AKAP6: variants seen among roughly 807,000 people sequenced by gnomAD.
AKAP6 encodes the protein A-kinase anchor protein 6.
In AKAP6, 58 loss-of-function variants were observed where a neutral mutation model predicts 188.5. The observed-to-expected ratio is 0.31, with a 90% CI of 0.25 to 0.38. AKAP6 has a LOEUF of 0.38. Ranked by LOEUF, AKAP6 falls within the 10% of genes least tolerant of loss-of-function variation. The pLI is 1.00. For synonymous variants in AKAP6, 989 were observed against 998.6 expected, an observed-to-expected ratio of 0.99 and a Z score of 0.18; for missense variants, 2,710 against 2,740.0, an observed-to-expected ratio of 0.99 and a Z score of 0.24.
At chr14:32,527,220 C>G (rs552113875) in intron 2 of AKAP6, among the ~76,000 whole-genome samples, 3 of 152,326 alleles carry the variant, frequency 2.0e-5, no homozygotes, top group Non-Finnish European at 1.5e-5. Context: ...TGACTTCTTT[C>G]ACTTAGTAAT....
chr14:32,358,372 A>G (rs1470793096), intron 1 of AKAP6, among the ~76,000 whole-genome samples: 1 of 152,252 alleles, frequency 6.6e-6, no homozygotes, highest in Non-Finnish European at 1.5e-5. Flanking sequence ...GATGCTCAAC[A>G]CACAAAACCA....
intron 5 of AKAP6, among the ~76,000 whole-genome samples, chr14:32,596,275 C>T (rs879672528): frequency 6.6e-6 from 1 of 152,144 alleles, no homozygotes; most frequent in Non-Finnish European, 1.5e-5. Context: ...CTGGGCTATT[C>T]AGAAATATGA....
intron 9 of AKAP6, among the ~76,000 whole-genome samples, chr14:32,728,706 T>C (rs2031016151): frequency 6.6e-6 from 1 of 152,220 alleles, no homozygotes; most frequent in Non-Finnish European, 1.5e-5. Context: ...TGTTCAGCAA[T>C]GTCTGGTCTC....
At chr14:32,728,395 A>T (rs867739507) in intron 9 of AKAP6, among the ~76,000 whole-genome samples, 14 of 139,942 alleles carry the variant, frequency 1.0e-4, no homozygotes, top group Admixed American at 1.4e-4. Context: ...TCTATCTATC[A>T]ATCGTATCTA....
chr14:32,545,415 C>T lies in AKAP6; in HGVS notation c.762C>T (p.Asp254=). ...TSSQVKTKPF[D]SWSYSEMEKE... is the part of the protein sequence containing the mutation. ...GCCAAGTCAAAACCAAACCCTTTGA[C>T]TCTTGGAGCTACAGTGAGATGGAAA... Residue 254 remains aspartate (D), a synonymous_variant, in exon 4 of 14, where the codon GAC becomes GAT. Coordinates refer to ENST00000280979, the MANE Select transcript of AKAP6 (RefSeq NM_004274.5). The T allele has an allele frequency of 6.2e-7, 1 of 1,614,214 alleles. No homozygotes were observed. The highest frequency in any genetic ancestry group is 2.2e-5 in the East Asian group (1 of 44,880).
intron 2 of AKAP6, among the ~76,000 whole-genome samples, chr14:32,526,554 A>G (rs1229663564): frequency 1.3e-5 from 2 of 152,122 alleles, no homozygotes; most frequent in Non-Finnish European, 2.9e-5. Flanking sequence ...TACTTTTTGT[A>G]TCTTTTGTAG....
At chr14:32,367,102 C>G (rs1304791121) in intron 1 of AKAP6, among the ~76,000 whole-genome samples, 1 of 152,200 alleles carries the variant, frequency 6.6e-6, no homozygotes, top group Non-Finnish European at 1.5e-5. Context: ...CTCCTGGGAA[C>G]AGTGGTCTAC....
chr14:32,811,947 A>C (rs2034247684), intron 12 of AKAP6, among the ~76,000 whole-genome samples: 3 of 152,210 alleles, frequency 2.0e-5, no homozygotes, highest in Non-Finnish European at 4.4e-5. Flanking sequence ...TTACATGACT[A>C]TTCACCTTCT....
rs1555365123 is a variant in AKAP6 at position 32,813,390 on chromosome 14, C to CCG, written c.3589-8011_3589-8010insGC. Among the ~76,000 whole-genome samples the CCG allele has an allele frequency of 3.5e-5, 2 of 57,876 alleles. 1 individual carries two copies. Among genetic ancestry groups the CCG allele is most frequent in the Non-Finnish European group, 6.5e-5 (2 of 30,826 alleles). The allele number at this position is 57,876 out of a possible 152,430, so 38.0% of individuals were successfully genotyped here. A position where few individuals can be genotyped will look rare whatever the true frequency, so the allele number is the denominator to read the frequency against. On this transcript the variant is annotated intron_variant, in intron 12 of 13. Coordinates refer to ENST00000280979, the MANE Select transcript of AKAP6 (RefSeq NM_004274.5). ...GTTACAGTTTTCATCTCTAACCCTA[C>CCG]CCCCCCCCCCAACCCCTTTCCCAGA...
chr14:32,837,299 A>T lies in AKAP6; in HGVS notation c.*7494A>T, dbSNP rs1373098993. 1 of 152,214 alleles carries T rather than the reference A, an allele frequency of 6.6e-6. No individual in the cohort carries two copies. The highest frequency in any genetic ancestry group is 2.4e-5 in the African/African-American group (1 of 41,454). 9.4% of individuals were successfully genotyped at this position (152,214 alleles called of 1,614,324 possible). On this transcript the variant is annotated 3_prime_UTR_variant, in exon 14 of 14. Coordinates refer to ENST00000280979, the MANE Select transcript of AKAP6 (RefSeq NM_004274.5). ...ATTATTAAAACATTTCTTTGTCCTT[A>T]CTTAAACCTAACCTGCCATTTTAAA...
chr14:32,532,424 G>T (rs1172612881), intron 2 of AKAP6, among the ~76,000 whole-genome samples: 1 of 152,144 alleles, frequency 6.6e-6, no homozygotes, highest in African/African-American at 2.4e-5. Flanking sequence ...TGGCACCAAT[G>T]ATACCTTAGT....
intron 4 of AKAP6, among the ~76,000 whole-genome samples, chr14:32,555,977 TG>T (rs780329974): frequency 4.4e-4 from 66 of 150,470 alleles, no homozygotes; most frequent in Non-Finnish European, 6.0e-4. Flanking sequence ...GATTGCTGGA[TG>T]TTTTTTTTTT....
chr14:32,800,061 C>CTCTCTCTATATATA (rs377693074), intron 12 of AKAP6, among the ~76,000 whole-genome samples: 6 of 136,944 alleles, frequency 4.4e-5, no homozygotes, highest in South Asian at 2.3e-4. Flanking sequence ...CTCTCTCTCT[C>CTCTCTCTATATATA]TATATATATA....
At chr14:32,602,939 C>G (rs1050806124) in intron 7 of AKAP6, among the ~76,000 whole-genome samples, 1 of 152,162 alleles carries the variant, frequency 6.6e-6, no homozygotes, top group Non-Finnish European at 1.5e-5. Flanking sequence ...AGATGAACAG[C>G]TGGCTTCCGT....
At position 32,833,528 on chromosome 14, in the gene AKAP6, A is replaced by G. The variant is rs2034842835; in HGVS notation, c.*3723A>G. The G allele has an allele frequency of 6.6e-6, 1 of 152,226 alleles. No individual in the cohort carries two copies. Among genetic ancestry groups the G allele is most frequent in the Admixed American group, 6.5e-5 (1 of 15,284 alleles). The allele number at this position is 152,226 out of a possible 1,614,324, so 9.4% of individuals were successfully genotyped here. ...TGGTCACTGAATAAATATGCATCTTATACAACACAGAACAACCTAAATTTA... is the reference window on the plus strand; with the variant it reads ...TGGTCACTGAATAAATATGCATCTTGTACAACACAGAACAACCTAAATTTA... On this transcript the variant is annotated 3_prime_UTR_variant, in exon 14 of 14. Transcript: ENST00000280979.
At chr14:32,451,512 G>A (rs888156528) in intron 2 of AKAP6, among the ~76,000 whole-genome samples, 3 of 152,174 alleles carry the variant, frequency 2.0e-5, no homozygotes, top group African/African-American at 7.2e-5. Context: ...GAAACTATGT[G>A]TATAAAATGT....
intron 2 of AKAP6, chr14:32,474,649 A>G (rs1425389117): frequency 2.0e-5 from 3 of 152,250 alleles, no homozygotes. Flanking sequence ...TAGGGATTGA[A>G]TCTTGCAGGA....
chr14:32,344,985 T>C (rs1034249424), intron 1 of AKAP6, among the ~76,000 whole-genome samples: 3 of 151,328 alleles, frequency 2.0e-5, no homozygotes, highest in Non-Finnish European at 4.4e-5. Flanking sequence ...AGTACGTGTT[T>C]AGGATGAGGC....
intron 8 of AKAP6, among the ~76,000 whole-genome samples, chr14:32,682,983 TCTTTTTTCTTC>T (rs1889748124): frequency 6.6e-6 from 1 of 151,610 alleles, no homozygotes; most frequent in Admixed American, 6.6e-5. Context: ...TCTTTTTTTT[TCTTTTTTCTTC>T]CTTTTTTTTT....
Sources: allele counts gnomAD v4.1 joint callset (sites outside exome capture counted in the v4.1 genomes callset), GRCh38; gene constraint gnomAD v4.1.1; transcripts MANE v1.5; gene names NCBI Gene and HGNC (gene_info 2026-07-23, HGNC 2026-07-21).